ZNF385B: variants seen among roughly 807,000 people sequenced by gnomAD.
The protein encoded by ZNF385B is zinc finger protein 533.
A neutral mutation model predicts 39.2 loss-of-function variants in ZNF385B; 23 were observed. That is an observed-to-expected ratio of 0.59 (90% confidence interval 0.42 to 0.83). The LOEUF is 0.83. ZNF385B is among the 40% of genes least tolerant of loss of function. ZNF385B has a pLI of 0.00. For missense variants in ZNF385B, 552 were observed against 598.9 expected, an observed-to-expected ratio of 0.92 and a Z score of 0.82; for synonymous variants, 205 against 222.6, an observed-to-expected ratio of 0.92 and a Z score of 0.70.
intron 4 of ZNF385B, among the ~76,000 whole-genome samples, chr2:179,527,528 A>ATT (rs11431541): frequency 8.7e-4 from 129 of 147,858 alleles, no homozygotes; most frequent in Admixed American, 1.3e-3. Context: ...TTTTCTGGTC[A>ATT]TTTTTTTTTT....
intron 3 of ZNF385B, among the ~76,000 whole-genome samples, chr2:179,692,004 A>G (rs367909251): frequency 6.6e-5 from 10 of 152,190 alleles, no homozygotes; most frequent in Admixed American, 6.5e-4. Context: ...TCTTTGTGGT[A>G]GGAACATTCC....
intron 3 of ZNF385B, among the ~76,000 whole-genome samples, chr2:179,739,041 C>G (rs1701931956): frequency 6.6e-6 from 1 of 152,138 alleles, no homozygotes; most frequent in African/African-American, 2.4e-5. Context: ...GATTCCACCA[C>G]CACTGCAAAT....
intron 3 of ZNF385B, among the ~76,000 whole-genome samples, chr2:179,735,326 T>A (rs551567240): frequency 6.8e-5 from 10 of 147,542 alleles, no homozygotes; most frequent in African/African-American, 2.0e-4. Context: ...TCAAAACCAC[T>A]ATGAGATACC....
At chr2:179,536,463 TAAAGAAAGGGAC>T (rs2059573864) in intron 4 of ZNF385B, 1 of 152,178 alleles carries the variant, frequency 6.6e-6, no homozygotes, top group Non-Finnish European at 1.5e-5. Context: ...GGGACTAGGA[TAAAGAAAGGGAC>T]ATACAAGAGG....
Position 179,861,242 on chromosome 2 carries a change from AGGCGGT to A in ZNF385B, c.-302_-297del, listed in dbSNP as rs1332785955. ...GTTCTCCCGCGATCTGCTGCAGCCC[AGGCGGT>A]GGCGGTGGCGGTAGCAGCGGCGGCG... On this transcript the variant is annotated 5_prime_UTR_variant, in exon 1 of 10. Coordinates refer to ENST00000410066, the MANE Select transcript of ZNF385B (RefSeq NM_152520.6). 1.2e-5 allele frequency: 2 copies of A among 160,026 alleles called. No individual in the cohort carries two copies. The highest frequency in any genetic ancestry group is 2.7e-5 in the Non-Finnish European group (2 of 74,400). The allele number at this position is 160,026 out of a possible 1,614,324, so 9.9% of individuals were successfully genotyped here.
chr2:179,754,779 C>T (rs1209942701), intron 3 of ZNF385B, among the ~76,000 whole-genome samples: 1 of 151,996 alleles, frequency 6.6e-6, no homozygotes, highest in Non-Finnish European at 1.5e-5. Flanking sequence ...GTGGTGATAT[C>T]CCCTTTATCA....
chr2:179,668,317 G>T (rs924690519), intron 3 of ZNF385B, among the ~76,000 whole-genome samples: 4 of 152,260 alleles, frequency 2.6e-5, no homozygotes, highest in African/African-American at 9.6e-5. Flanking sequence ...TATCAAAGGT[G>T]CTGAAAAACA....
intron 3 of ZNF385B, among the ~76,000 whole-genome samples, chr2:179,738,967 T>C (rs1255645905): frequency 6.6e-6 from 1 of 152,160 alleles, no homozygotes; most frequent in Admixed American, 6.5e-5. Context: ...CACAAAATAA[T>C]ATCAACAAAG....
intron 3 of ZNF385B, among the ~76,000 whole-genome samples, chr2:179,658,338 T>G (rs1018726766): frequency 6.6e-6 from 1 of 152,202 alleles, no homozygotes; most frequent in African/African-American, 2.4e-5. Context: ...AGTTTCCATG[T>G]GAAAAGACTG....
rs535100632 is a variant in ZNF385B at position 179,574,947 on chromosome 2, G to T, written c.299-29978C>A. Among the ~76,000 whole-genome samples, 97 of 152,176 alleles carry T rather than the reference G, an allele frequency of 6.4e-4. No homozygotes were observed. The South Asian group carries it at 0.015, about 23-fold the overall frequency. ...CTCCTCCAGTCTCTCTAATCAAATT[G>T]CTTTCTCTTTTTAGAACTGCCCTTC... On this transcript the variant is annotated intron_variant, in intron 3 of 9. Coordinates refer to ENST00000410066, the MANE Select transcript of ZNF385B (RefSeq NM_152520.6).
chr2:179,500,287 A>C (rs939630395), intron 5 of ZNF385B, among the ~76,000 whole-genome samples: 1 of 152,110 alleles, frequency 6.6e-6, no homozygotes, highest in Non-Finnish European at 1.5e-5. Flanking sequence ...TGCAATCACA[A>C]AAGACCCAGA....
At chr2:179,784,788 A>G (rs182539952) in intron 1 of ZNF385B, among the ~76,000 whole-genome samples, 217 of 152,230 alleles carry the variant, frequency 1.4e-3, no homozygotes, top group Non-Finnish European at 2.2e-3. Context: ...ATGACAGAAA[A>G]TATGTGTTTC....
intron 5 of ZNF385B, among the ~76,000 whole-genome samples, chr2:179,506,247 A>C (rs1026247859): frequency 1.3e-5 from 2 of 152,134 alleles, no homozygotes; most frequent in Non-Finnish European, 1.5e-5. Context: ...AAGGCAAAGA[A>C]ACAAAACTTC....
chr2:179,796,740 A>T (rs1053592710), intron 1 of ZNF385B, among the ~76,000 whole-genome samples: 2 of 152,112 alleles, frequency 1.3e-5, no homozygotes, highest in African/African-American at 4.8e-5. Flanking sequence ...TGTAAAAGGT[A>T]TAACAGCAGA....
At chr2:179,758,008 C>T (rs142694081) in intron 3 of ZNF385B, among the ~76,000 whole-genome samples, 18 of 152,250 alleles carry the variant, frequency 1.2e-4, no homozygotes, top group East Asian at 7.8e-4. Flanking sequence ...AGATTAACCC[C>T]GTACCTCAGT....
chr2:179,745,354 C>T (rs1139), intron 3 of ZNF385B, among the ~76,000 whole-genome samples: 34,443 of 152,044 alleles, frequency 0.23, 4,327 homozygotes, highest in East Asian at 0.49. Context: ...TTTTTAATAA[C>T]ATCTGAAACA....
intron 4 of ZNF385B, among the ~76,000 whole-genome samples, chr2:179,533,087 A>T (rs2059352861): frequency 6.6e-6 from 1 of 152,210 alleles, no homozygotes; most frequent in East Asian, 1.9e-4. Flanking sequence ...GGTTCCCCAG[A>T]TGCATAGCTT....
At chr2:179,761,508 T>C (rs910930415) in intron 3 of ZNF385B, among the ~76,000 whole-genome samples, 1 of 152,112 alleles carries the variant, frequency 6.6e-6, no homozygotes, top group Admixed American at 6.5e-5. Flanking sequence ...TAGGAAGTGA[T>C]TATAAATGGT....
At chr2:179,497,590 A>G (rs1326592343) in intron 5 of ZNF385B, among the ~76,000 whole-genome samples, 3 of 152,058 alleles carry the variant, frequency 2.0e-5, no homozygotes, top group East Asian at 3.9e-4. Flanking sequence ...AAGAAACTCA[A>G]TCATATCACC....
Sources: gnomAD v4.1 joint callset for allele counts (sites outside exome capture counted in the v4.1 genomes callset) on GRCh38, gnomAD v4.1.1 for gene constraint, MANE v1.5 for transcripts, NCBI Gene and HGNC (gene_info 2026-07-23, HGNC 2026-07-21) for gene names.